Variants in TMEM30A observed in about 807,000 individuals in gnomAD.
TMEM30A encodes the protein cell cycle control protein 50A.
In TMEM30A, 24 loss-of-function variants were observed where a neutral mutation model predicts 38.2. The ratio of observed to expected loss-of-function variants is 0.63; its 90% CI spans 0.46 to 0.88. The LOEUF (loss-of-function observed/expected upper bound fraction) is 0.88, where lower values mean the gene tolerates loss of function less well. Among genes scored for constraint, TMEM30A ranks in the 40% least tolerant of loss-of-function variants. TMEM30A has a pLI of 0.00. For synonymous variants in TMEM30A, 145 were observed against 161.6 expected, an observed-to-expected ratio of 0.90 and a Z score of 0.78; for missense variants, 370 against 458.6, an observed-to-expected ratio of 0.81 and a Z score of 1.77.
chr6:75,261,525 G>C (rs1454660376), intron 3 of TMEM30A, among the ~76,000 whole-genome samples: 7 of 152,200 alleles, frequency 4.6e-5, no homozygotes, highest in Non-Finnish European at 1.0e-4. Context: ...CTGTGGTCCA[G>C]ATTTTGGTTT....
intron 2 of TMEM30A, among the ~76,000 whole-genome samples, chr6:75,265,853 C>T (rs750380200): frequency 1.4e-4 from 22 of 152,082 alleles, no homozygotes; most frequent in African/African-American, 3.4e-4. Context: ...TGTAGCACCA[C>T]GTGCAGTTGA....
rs774924633 is a variant in TMEM30A, at chr6:75,256,296, C to A, written c.893-1G>T. 3.1e-6 allele frequency: 5 copies of A among 1,609,660 alleles called. No homozygotes were observed. The African/African-American group carries it at 6.7e-5, about 22-fold the overall frequency. On this transcript the variant is annotated splice_acceptor_variant, in intron 6 of 6. Transcript: ENST00000230461. LOFTEE classifies it high-confidence loss of function. The stretch of plus-strand genomic sequence containing the variant: ...CCATCAAAATAATGTACAGGGTAAT[C>A]TGAAGAGGGTATAGGAAGATTTTTC...
intron 4 of TMEM30A, 80 bp from the exon 5 acceptor site, chr6:75,259,570 A>T: frequency 7.7e-7 from 1 of 1,293,342 alleles, no homozygotes; most frequent in South Asian, 1.8e-5. Flanking sequence ...AGAAATAAGG[A>T]CCTGATATTT....
At chr6:75,258,469 G>A (rs1771906109) in intron 6 of TMEM30A, among the ~76,000 whole-genome samples, 2 of 151,866 alleles carry the variant, frequency 1.3e-5, no homozygotes, top group Non-Finnish European at 2.9e-5. Context: ...TACTCTCATT[G>A]GCCTTTACAT....
At chr6:75,269,884 G>A (rs573781430) in intron 1 of TMEM30A, among the ~76,000 whole-genome samples, 3 of 152,168 alleles carry the variant, frequency 2.0e-5, no homozygotes, top group South Asian at 4.1e-4. Flanking sequence ...TAGTAGAGGC[G>A]GGGTTTCACC....
At chr6:75,270,870 T>C (rs1772155478) in intron 1 of TMEM30A, among the ~76,000 whole-genome samples, 1 of 152,202 alleles carries the variant, frequency 6.6e-6, no homozygotes, top group Admixed American at 6.5e-5. Context: ...TTTCTTTCAC[T>C]GCATAATTAA....
Position 75,284,645 on chromosome 6 carries a change from C to G in TMEM30A, c.-7G>C, listed in dbSNP as rs894529958. The G allele has an allele frequency of 6.2e-7, 1 of 1,611,874 alleles. No individual in the cohort carries two copies. Among genetic ancestry groups the G allele is most frequent in the Non-Finnish European group, 8.5e-7 (1 of 1,179,918 alleles). On this transcript the variant is annotated 5_prime_UTR_variant, in exon 1 of 7. Coordinates refer to ENST00000230461, the MANE Select transcript of TMEM30A (RefSeq NM_018247.4). ...CGTTATAGTTCATCGCCATCGATCC[C>G]TGGGGCGCCGCTCCGCGATTTGCAG... is the stretch of plus-strand genomic sequence containing the variant.
chr6:75,277,224 A>C (rs931487991), intron 1 of TMEM30A, among the ~76,000 whole-genome samples: 3 of 151,914 alleles, frequency 2.0e-5, no homozygotes, highest in African/African-American at 4.8e-5. Context: ...AGGAAACTAA[A>C]CAAGAGGTCA....
rs746522980 is a variant in TMEM30A, at chr6:75,256,303, G to A, written c.893-8C>T. 17 of 1,584,178 alleles carry A rather than the reference G, an allele frequency of 1.1e-5. No homozygotes were observed. Among genetic ancestry groups the A allele is most frequent in the African/African-American group, 5.4e-5 (4 of 73,662 alleles). On this transcript the variant is annotated splice_region_variant and splice_polypyrimidine_tract_variant and intron_variant, in intron 6 of 6. Coordinates refer to ENST00000230461, the MANE Select transcript of TMEM30A (RefSeq NM_018247.4). ...AATAATGTACAGGGTAATCTGAAGAGGGTATAGGAAGATTTTTCCATCTCT... is the reference window on the plus strand; with the variant it reads ...AATAATGTACAGGGTAATCTGAAGAAGGTATAGGAAGATTTTTCCATCTCT...
chr6:75,262,899 C>T (rs1385819594), intron 3 of TMEM30A, among the ~76,000 whole-genome samples: 1 of 152,218 alleles, frequency 6.6e-6, no homozygotes, highest in Non-Finnish European at 1.5e-5. Flanking sequence ...TGTGCAAGCA[C>T]GAGCCAGGCA....
chr6:75,262,507 G>A (rs1328561468), intron 3 of TMEM30A, among the ~76,000 whole-genome samples: 3 of 152,074 alleles, frequency 2.0e-5, no homozygotes, highest in Non-Finnish European at 4.4e-5. Context: ...GCCGGGCATG[G>A]TGGTGGGGGC....
chr6:75,272,129 G>C (rs763334506), intron 1 of TMEM30A, among the ~76,000 whole-genome samples: 1 of 152,194 alleles, frequency 6.6e-6, no homozygotes, highest in African/African-American at 2.4e-5. Flanking sequence ...GTATTTCACT[G>C]ACTACTGTTT....
intron 4 of TMEM30A, among the ~76,000 whole-genome samples, chr6:75,260,528 C>T (rs1047832145): frequency 3.9e-5 from 6 of 152,134 alleles, no homozygotes; most frequent in Admixed American, 6.5e-5. Flanking sequence ...ACTATAGCTC[C>T]TTTTCAATGA....
At position 75,267,635 on chromosome 6, in the gene TMEM30A, A is replaced by G; in HGVS notation, c.345+6T>C. On this transcript the variant is annotated splice_donor_region_variant and intron_variant, in intron 2 of 6. Transcript: ENST00000230461. ...CTTTTCTAGCACATTACTTGGAAAC[A>G]CAGACCTCAAATGACTTTTCCAGTG... is the stretch of plus-strand genomic sequence containing the variant. 1 of 1,596,602 alleles carries G rather than the reference A, an allele frequency of 6.3e-7. No homozygotes were observed.
chr6:75,257,392 T>C (rs984262038), intron 6 of TMEM30A, among the ~76,000 whole-genome samples: 7 of 152,194 alleles, frequency 4.6e-5, no homozygotes, highest in South Asian at 2.1e-4. Context: ...TTCCTTTAGA[T>C]AGTTCTTTCA....
intron 3 of TMEM30A, among the ~76,000 whole-genome samples, chr6:75,261,858 C>T (rs892054273): frequency 6.6e-6 from 1 of 151,926 alleles, no homozygotes; most frequent in Non-Finnish European, 1.5e-5. Context: ...AAAGTCTCTT[C>T]AATATTTGAC....
intron 1 of TMEM30A, among the ~76,000 whole-genome samples, chr6:75,274,361 G>A (rs1422258990): frequency 6.6e-6 from 1 of 152,172 alleles, no homozygotes; most frequent in Non-Finnish European, 1.5e-5. Context: ...ACAGTATCCT[G>A]AATGCTAGAC....
At chr6:75,264,364 G>A (rs939991538) in intron 3 of TMEM30A, among the ~76,000 whole-genome samples, 6 of 152,186 alleles carry the variant, frequency 3.9e-5, no homozygotes, top group Admixed American at 3.3e-4. Flanking sequence ...GGCCGGACAC[G>A]GTGGCTCAAG....
In TMEM30A at chr6:75,254,379, A is replaced by G. The variant is rs925145869; in HGVS notation, c.*1723T>C. The G allele has an allele frequency of 6.6e-6, 1 of 152,062 alleles. No individual in the cohort carries two copies. The highest frequency in any genetic ancestry group is 2.4e-5 in the African/African-American group (1 of 41,450). 9.4% of individuals were successfully genotyped at this position (152,062 alleles called of 1,614,324 possible). On this transcript the variant is annotated 3_prime_UTR_variant, in exon 7 of 7. Transcript: ENST00000230461. ...AGAGGGACAATCTTCAGAATAAATA[A>G]TATTCTGAAGGACTGACAAAACAGA...
Sources: gnomAD v4.1 joint callset for allele counts (sites outside exome capture counted in the v4.1 genomes callset) on GRCh38, gnomAD v4.1.1 for gene constraint, MANE v1.5 for transcripts, NCBI Gene and HGNC (gene_info 2026-07-23, HGNC 2026-07-21) for gene names.